Variants in RBFOX1 observed in about 807,000 individuals in gnomAD.
RBFOX1 encodes the protein RNA binding fox-1 homolog 1, also known as RNA binding protein fox-1 homolog 1.
Under a neutral mutation model 57.7 loss-of-function variants are expected in RBFOX1, and 8 were observed. The observed-to-expected ratio is 0.14, with a 90% CI of 0.08 to 0.25. The LOEUF (loss-of-function observed/expected upper bound fraction) is 0.25. RBFOX1 is among the 10% of genes least tolerant of loss of function. RBFOX1 has a pLI of 1.00. For synonymous variants in RBFOX1, 326 were observed against 222.4 expected, an observed-to-expected ratio of 1.47 and a Z score of -4.15; for missense variants, 611 against 548.5, an observed-to-expected ratio of 1.11 and a Z score of -1.14.
At chr16:5,479,648 A>G (rs1444635745) in intron 2 of RBFOX1, among the ~76,000 whole-genome samples, 1 of 152,014 alleles carries the variant, frequency 6.6e-6, no homozygotes, top group Non-Finnish European at 1.5e-5. Context: ...CATCGCAGCT[A>G]CTTGGGAGGC....
At chr16:7,195,307 C>T (rs185071465) in intron 4 of RBFOX1, among the ~76,000 whole-genome samples, 6 of 152,270 alleles carry the variant, frequency 3.9e-5, no homozygotes, top group Admixed American at 3.3e-4. Context: ...AATAAGGCTT[C>T]TTGTGAAAGT....
chr16:5,494,137 A>G (rs951615692), intron 2 of RBFOX1, among the ~76,000 whole-genome samples: 10 of 152,066 alleles, frequency 6.6e-5, no homozygotes, highest in Non-Finnish European at 1.5e-4. Flanking sequence ...TGGGGTATGA[A>G]TCCCTGTCAG....
At chr16:6,515,935 C>G (rs2096368491) in intron 2 of RBFOX1, among the ~76,000 whole-genome samples, 1 of 152,142 alleles carries the variant, frequency 6.6e-6, no homozygotes, top group Non-Finnish European at 1.5e-5. Context: ...GTCTGTGAAA[C>G]CTGTATTTTT....
At chr16:5,512,432 CTG>C (rs200294750) in intron 2 of RBFOX1, among the ~76,000 whole-genome samples, 1 of 79,266 alleles carries the variant, frequency 1.3e-5, no homozygotes, top group Non-Finnish European at 2.3e-5. Flanking sequence ...CTCTCTCTCT[CTG>C]TCTCTCTCTC....
chr16:7,062,892 C>CTTTTTTTTTTTTT (rs1491558284), intron 4 of RBFOX1, among the ~76,000 whole-genome samples: 7 of 59,950 alleles, frequency 1.2e-4, no homozygotes, highest in East Asian at 6.6e-4. Flanking sequence ...AAATGATCGC[C>CTTTTTTTTTTTTT]ATTTTTTTTT....
At chr16:7,069,062 C>G (rs1283121639) in intron 4 of RBFOX1, among the ~76,000 whole-genome samples, 1 of 152,188 alleles carries the variant, frequency 6.6e-6, no homozygotes, top group East Asian at 1.9e-4. Flanking sequence ...TCTAAAGACT[C>G]TAGGAGATGT....
At chr16:6,239,276 T>C (rs1389829743) in intron 1 of RBFOX1, among the ~76,000 whole-genome samples, 1 of 152,088 alleles carries the variant, frequency 6.6e-6, no homozygotes, top group East Asian at 1.9e-4. Context: ...CCTCGCAGAC[T>C]TGAGATACTT....
chr16:7,360,337 A>C (rs2097297862), intron 4 of RBFOX1, among the ~76,000 whole-genome samples: 1 of 152,208 alleles, frequency 6.6e-6, no homozygotes, highest in South Asian at 2.1e-4. Context: ...AGTGACTCTG[A>C]GAAGATCAGA....
At chr16:6,606,147 G>C (rs1006783789) in intron 2 of RBFOX1, among the ~76,000 whole-genome samples, 3 of 152,098 alleles carry the variant, frequency 2.0e-5, no homozygotes, top group African/African-American at 7.2e-5. Flanking sequence ...TTATAATGCT[G>C]AATGTATTTC....
intron 1 of RBFOX1, among the ~76,000 whole-genome samples, chr16:5,298,667 C>T (rs1230564163): frequency 4.8e-5 from 1 of 20,830 alleles, no homozygotes; most frequent in Non-Finnish European, 1.1e-4. Flanking sequence ...CCTCCCCCCT[C>T]CCCCATCCCT....
intron 4 of RBFOX1, among the ~76,000 whole-genome samples, chr16:7,230,250 A>C (rs955471612): frequency 6.6e-6 from 1 of 152,024 alleles, no homozygotes; most frequent in African/African-American, 2.4e-5. Flanking sequence ...ACTAGTAAAA[A>C]CCCAAACAAA....
chr16:6,712,221 G>A (rs1300827628), intron 3 of RBFOX1, among the ~76,000 whole-genome samples: 1 of 152,150 alleles, frequency 6.6e-6, no homozygotes, highest in African/African-American at 2.4e-5. Context: ...TGGTCAGCAA[G>A]GTTAAAACTC....
At chr16:7,632,271 C>T (rs564993366) in intron 11 of RBFOX1, among the ~76,000 whole-genome samples, 1 of 152,278 alleles carries the variant, frequency 6.6e-6, no homozygotes, top group Non-Finnish European at 1.5e-5. Context: ...TTCTGTGCCT[C>T]CCAAGAAGCC....
At position 6,793,529 on chromosome 16, in the gene RBFOX1, G is replaced by T. The variant is rs145210781; in HGVS notation, c.-16+138879G>T. ...TTTTGGCCATTTCCAAACATTTCTA[G>T]GTCTTTGTTATTGACCTGCCTACAT... On this transcript the variant is annotated intron_variant, in intron 3 of 15. Coordinates refer to ENST00000550418, the MANE Select transcript of RBFOX1 (RefSeq NM_018723.4). Among the ~76,000 whole-genome samples, 291 of 152,146 alleles carry T rather than the reference G, an allele frequency of 1.9e-3. 1 individual carries two copies. The highest frequency in any genetic ancestry group is 5.4e-3 in the South Asian group (26 of 4,818).
Position 6,546,042 on chromosome 16 carries a change from C to A in RBFOX1, c.-63-108561C>A, listed in dbSNP as rs2096890228. Among the ~76,000 whole-genome samples the A allele has an allele frequency of 2.6e-5, 4 of 152,292 alleles. No homozygotes were observed. The South Asian group carries it at 6.2e-4, about 24-fold the overall frequency. On this transcript the variant is annotated intron_variant, in intron 2 of 15. Transcript: ENST00000550418. ...TCTAAATAAAATACACAAACACTAACAATAGCTGATGAACTATTAAAAAAT... is the reference window on the plus strand; with the variant it reads ...TCTAAATAAAATACACAAACACTAAAAATAGCTGATGAACTATTAAAAAAT...
At chr16:7,256,211 C>G (rs1422456692) in intron 4 of RBFOX1, among the ~76,000 whole-genome samples, 2 of 152,178 alleles carry the variant, frequency 1.3e-5, no homozygotes, top group Non-Finnish European at 2.9e-5. Flanking sequence ...GGTTGGCTCT[C>G]CTCTTTACTC....
At chr16:6,840,168 T>A (rs2093379153) in intron 3 of RBFOX1, among the ~76,000 whole-genome samples, 1 of 152,212 alleles carries the variant, frequency 6.6e-6, no homozygotes, top group Non-Finnish European at 1.5e-5. Context: ...TTTTGCCAGT[T>A]AAGGTGCCTA....
chr16:7,642,127 G>A (rs2062925919), intron 11 of RBFOX1, among the ~76,000 whole-genome samples: 1 of 152,136 alleles, frequency 6.6e-6, no homozygotes, highest in Non-Finnish European at 1.5e-5. Context: ...GTTCACCAAA[G>A]AAGCGGGTTT....
At chr16:6,804,811 C>T (rs950081550) in intron 3 of RBFOX1, among the ~76,000 whole-genome samples, 2 of 152,156 alleles carry the variant, frequency 1.3e-5, no homozygotes, top group Non-Finnish European at 2.9e-5. Flanking sequence ...ATTTGCCACT[C>T]TGACTTCTTA....
Sources: gnomAD v4.1 joint callset for allele counts (sites outside exome capture counted in the v4.1 genomes callset) on GRCh38, gnomAD v4.1.1 for gene constraint, MANE v1.5 for transcripts, NCBI Gene and HGNC (gene_info 2026-07-23, HGNC 2026-07-21) for gene names.